KAT2B: variants seen among roughly 807,000 people sequenced by gnomAD.
KAT2B encodes the protein lysine acetyltransferase 2B, also known as histone acetyltransferase KAT2B.
Under a neutral mutation model 105.9 loss-of-function variants are expected in KAT2B, and 36 were observed. That is an observed-to-expected ratio of 0.34 (90% CI 0.26 to 0.45). KAT2B has a LOEUF of 0.45. Among genes scored for constraint, KAT2B ranks in the 20% least tolerant of loss-of-function variants. The pLI, the probability that KAT2B is intolerant of heterozygous loss-of-function variation, is 1.00. For missense variants in KAT2B, 820 were observed against 1,021.6 expected (o/e 0.80, Z 2.69); for synonymous variants, 397 against 377.9 (o/e 1.05, Z -0.59).
chr3:20,041,921 T>G (rs1378318976), intron 1 of KAT2B, among the ~76,000 whole-genome samples: 1 of 152,244 alleles, frequency 6.6e-6, no homozygotes, highest in Non-Finnish European at 1.5e-5. Context: ...TTGCAGGAGC[T>G]TCTCAGTCAC....
chr3:20,074,555 A>G (rs59165062), intron 2 of KAT2B, among the ~76,000 whole-genome samples: 3,371 of 152,332 alleles, frequency 0.022, 95 homozygotes, highest in East Asian at 0.062. Context: ...TGTTCGTAGT[A>G]GTGGTACTAT....
intron 1 of KAT2B, among the ~76,000 whole-genome samples, chr3:20,068,546 T>C (rs1184377008): frequency 6.6e-6 from 1 of 152,026 alleles, no homozygotes; most frequent in Non-Finnish European, 1.5e-5. Context: ...TTTTTCTTTC[T>C]TTCCATAGCA....
rs373908956 is a variant in KAT2B at position 20,137,069 on chromosome 3, G to T, written c.1860+17G>T. ...AAGAAACAGGTTGGTTTCTCACCAC[G>T]CAACACTGTTTTGTCACTCCTTTTC... On this transcript the variant is annotated intron_variant, in intron 12 of 17. Transcript: ENST00000263754. 16 of 1,207,678 alleles carry T rather than the reference G, an allele frequency of 1.3e-5. No individual in the cohort carries two copies. Among genetic ancestry groups the T allele is most frequent in the Non-Finnish European group, 2.0e-5 (16 of 809,876 alleles). 74.8% of individuals were successfully genotyped at this position (1,207,678 alleles called of 1,614,324 possible).
chr3:20,094,536 AGATG>A (rs1192496856), intron 2 of KAT2B, among the ~76,000 whole-genome samples: 1 of 152,176 alleles, frequency 6.6e-6, no homozygotes, highest in East Asian at 1.9e-4. Flanking sequence ...TAACCTTAAA[AGATG>A]GACTGTATTT....
At chr3:20,119,857 TG>T in intron 8 of KAT2B, 134 bp downstream of exon 8, 1 of 898,202 alleles carries the variant, frequency 1.1e-6, no homozygotes. Context: ...GAAATAACTT[TG>T]TATTAGGCTT....
intron 13 of KAT2B, among the ~76,000 whole-genome samples, chr3:20,142,174 G>A (rs946756631): frequency 2.6e-5 from 4 of 152,240 alleles, no homozygotes; most frequent in East Asian, 3.9e-4. Flanking sequence ...ACAGGGGAAC[G>A]CCAGAAGCGC....
intron 5 of KAT2B, among the ~76,000 whole-genome samples, chr3:20,104,364 C>A (rs1698961657): frequency 6.6e-6 from 1 of 152,100 alleles, no homozygotes; most frequent in African/African-American, 2.4e-5. Flanking sequence ...ACCAACCTCC[C>A]CCACGTCCCC....
At chr3:20,140,683 C>A (rs567025414) in intron 13 of KAT2B, among the ~76,000 whole-genome samples, 1 of 152,012 alleles carries the variant, frequency 6.6e-6, no homozygotes, top group South Asian at 2.1e-4. Flanking sequence ...GTGGAGACAG[C>A]GTTTCACCAT....
At chr3:20,073,401 A>C (rs1698361624) in intron 2 of KAT2B, among the ~76,000 whole-genome samples, 1 of 152,188 alleles carries the variant, frequency 6.6e-6, no homozygotes, top group African/African-American at 2.4e-5. Context: ...TCCTGCTTAC[A>C]AGAAATGGTG....
At chr3:20,108,621 T>C (rs1447566056) in intron 5 of KAT2B, among the ~76,000 whole-genome samples, 1 of 151,398 alleles carries the variant, frequency 6.6e-6, no homozygotes, top group South Asian at 2.1e-4. Context: ...TACAGTAATA[T>C]GCTGTAGAGG....
At chr3:20,065,080 CT>C (rs1698200949) in intron 1 of KAT2B, among the ~76,000 whole-genome samples, 1 of 152,188 alleles carries the variant, frequency 6.6e-6, no homozygotes, top group Non-Finnish European at 1.5e-5. Context: ...TTTCTGCATA[CT>C]ATAACAACAT....
At chr3:20,073,469 A>T (rs1698362842) in intron 2 of KAT2B, among the ~76,000 whole-genome samples, 1 of 152,206 alleles carries the variant, frequency 6.6e-6, no homozygotes, top group Non-Finnish European at 1.5e-5. Context: ...GTACTCAGAG[A>T]GTATTTCAAT....
intron 4 of KAT2B, among the ~76,000 whole-genome samples, chr3:20,100,768 G>T (rs1698896541): frequency 6.6e-6 from 1 of 152,082 alleles, no homozygotes. Flanking sequence ...CCATAATTTT[G>T]AATGATATAT....
Position 20,148,689 on chromosome 3 carries a change from G to C in KAT2B, c.2305+202G>C, listed in dbSNP as rs560957354. On this transcript the variant is annotated intron_variant, in intron 17 of 17. Transcript: ENST00000263754. ...TCATTAGAGACATTCTGCAGCTGTCGTTTAGAGCCCACATGAGCTTAACGA... is the reference window on the plus strand; with the variant it reads ...TCATTAGAGACATTCTGCAGCTGTCCTTTAGAGCCCACATGAGCTTAACGA... The C allele has an allele frequency of 3.9e-3, 1,855 of 481,762 alleles. 3 individuals carry two copies. The highest frequency in any genetic ancestry group is 5.6e-3 in the Non-Finnish European group (1,548 of 274,230). 29.8% of individuals were successfully genotyped at this position (481,762 alleles called of 1,614,324 possible). A position where few individuals can be genotyped will look rare whatever the true frequency, so the allele number is the denominator to read the frequency against.
At chr3:20,150,029 T>C (rs1375821330) in intron 17 of KAT2B, among the ~76,000 whole-genome samples, 2 of 152,222 alleles carry the variant, frequency 1.3e-5, no homozygotes, top group Non-Finnish European at 2.9e-5. Flanking sequence ...ATAGCCTACT[T>C]GCAGCCTGCT....
At chr3:20,097,260 C>T (rs1038856717) in intron 3 of KAT2B, among the ~76,000 whole-genome samples, 3 of 152,178 alleles carry the variant, frequency 2.0e-5, no homozygotes, top group Non-Finnish European at 4.4e-5. Flanking sequence ...TCAAGGTTTC[C>T]ATCCTGTCAG....
intron 1 of KAT2B, among the ~76,000 whole-genome samples, chr3:20,047,080 C>CG (rs1205330560): frequency 2.0e-5 from 3 of 151,864 alleles, no homozygotes; most frequent in South Asian, 4.2e-4. Context: ...TTTGCCCCCC[C>CG]CTTTTTTTTT....
chr3:20,059,182 G>A (rs1216384987), intron 1 of KAT2B, among the ~76,000 whole-genome samples: 1 of 152,056 alleles, frequency 6.6e-6, no homozygotes, highest in Non-Finnish European at 1.5e-5. Context: ...GGAGGCTGAG[G>A]TGGGCAGATC....
At chr3:20,049,969 G>A (rs1324712354) in intron 1 of KAT2B, among the ~76,000 whole-genome samples, 1 of 152,186 alleles carries the variant, frequency 6.6e-6, no homozygotes, top group Non-Finnish European at 1.5e-5. Context: ...GGAGGCTGAG[G>A]CAGGCGGATC....
Sources: allele counts gnomAD v4.1 joint callset (sites outside exome capture counted in the v4.1 genomes callset), GRCh38; gene constraint gnomAD v4.1.1; transcripts MANE v1.5; gene names NCBI Gene and HGNC (gene_info 2026-07-23, HGNC 2026-07-21).